The following FRAS1 variants were observed in gnomAD, a reference collection of about 807,000 sequenced individuals.
The protein encoded by FRAS1 is extracellular matrix organizing protein FRAS1.
A neutral mutation model predicts 435.2 loss-of-function variants in FRAS1; 290 were observed. That is an observed-to-expected ratio of 0.67 (90% CI 0.61 to 0.73). The LOEUF is 0.73. FRAS1 is among the 30% of genes least tolerant of loss of function. FRAS1 has a pLI of 0.00. For missense variants in FRAS1, 4,860 were observed against 5,001.5 expected (o/e 0.97, Z 0.85); for synonymous variants, 1,800 against 1,851.0 (o/e 0.97, Z 0.71).
intron 2 of FRAS1, among the ~76,000 whole-genome samples, chr4:78,137,812 A>G (rs1719988007): frequency 1.3e-5 from 2 of 152,262 alleles, no homozygotes; most frequent in African/African-American, 2.4e-5. Flanking sequence ...TGGACACATT[A>G]CTAAGGCTCT....
chr4:78,309,105 T>C (rs1406002142), intron 15 of FRAS1, among the ~76,000 whole-genome samples: 3 of 151,756 alleles, frequency 2.0e-5, no homozygotes, highest in Non-Finnish European at 4.4e-5. Flanking sequence ...GGACCAGAGG[T>C]CGGAGTGATA....
At chr4:78,221,791 G>A (rs1171771000) in intron 2 of FRAS1, among the ~76,000 whole-genome samples, 2 of 152,178 alleles carry the variant, frequency 1.3e-5, no homozygotes, top group African/African-American at 2.4e-5. Context: ...TTTGACATGA[G>A]GCTTTTGGAC....
Position 78,448,055 on chromosome 4 carries a change from C to A in FRAS1, c.6013C>A (p.His2005Asn). The change falls in exon 44 of 74, where the codon CAT becomes AAT. Residue 2005 changes from histidine to asparagine, a missense_variant and splice_region_variant. Physicochemically the swap from His to Asn is moderately conservative, Grantham distance 68. Coordinates refer to ENST00000512123, the MANE Select transcript of FRAS1 (RefSeq NM_025074.7). ...CTTTTCTTTACCTCTTCCCTCAGGT[C>A]ATGTACTCTGGAGGCAAACTGCTTC... Reference protein sequence around the residue: ...FVLTKKPDHGHVLWRQTASEP... With the variant: ...FVLTKKPDHGNVLWRQTASEP... The A allele has an allele frequency of 1.2e-6, 2 of 1,606,072 alleles. No homozygotes were observed. Among genetic ancestry groups the A allele is most frequent in the South Asian group, 2.2e-5 (2 of 89,408 alleles).
intron 6 of FRAS1, among the ~76,000 whole-genome samples, chr4:78,258,478 C>A (rs778379192): frequency 6.6e-6 from 1 of 151,732 alleles, no homozygotes; most frequent in African/African-American, 2.4e-5. Context: ...GGACTATAAT[C>A]TCTTCCCATC....
intron 2 of FRAS1, among the ~76,000 whole-genome samples, chr4:78,180,056 A>G (rs72654691): frequency 0.02 from 3,072 of 152,330 alleles, 57 homozygotes; most frequent in Non-Finnish European, 0.031. Flanking sequence ...TCCTACTCCT[A>G]CGAGGTTCCT....
At chr4:78,154,889 C>G (rs891646270) in intron 2 of FRAS1, among the ~76,000 whole-genome samples, 12 of 152,188 alleles carry the variant, frequency 7.9e-5, no homozygotes, top group African/African-American at 2.9e-4. Flanking sequence ...GATTTTGTCT[C>G]TGGACCTTCT....
At chr4:78,284,972 A>C (rs556394422) in intron 13 of FRAS1, among the ~76,000 whole-genome samples, 2 of 152,182 alleles carry the variant, frequency 1.3e-5, no homozygotes, top group African/African-American at 4.8e-5. Flanking sequence ...TAATTTTGCA[A>C]ATGGGGAATC....
intron 31 of FRAS1, among the ~76,000 whole-genome samples, chr4:78,411,868 C>T (rs1279620272): frequency 6.6e-6 from 1 of 152,124 alleles, no homozygotes; most frequent in Non-Finnish European, 1.5e-5. Context: ...CCTGACTGAT[C>T]TGGTTAAATA....
intron 2 of FRAS1, among the ~76,000 whole-genome samples, chr4:78,217,444 C>G (rs983547488): frequency 3.3e-5 from 5 of 152,082 alleles, no homozygotes. Context: ...GAGGACTGTT[C>G]TGTGCGGGAC....
intron 34 of FRAS1, among the ~76,000 whole-genome samples, chr4:78,423,974 C>T (rs1366508847): frequency 2.6e-5 from 4 of 152,180 alleles, no homozygotes; most frequent in Non-Finnish European, 5.9e-5. Context: ...CAAGATAAAT[C>T]TCTCACATGG....
In FRAS1 at chr4:78,318,838, G is replaced by T; in HGVS notation, c.1989G>T (p.Met663Ile). 6.3e-7 allele frequency: 1 copy of T among 1,597,266 alleles called. No homozygotes were observed. Among genetic ancestry groups the T allele is most frequent in the South Asian group, 1.1e-5 (1 of 88,174 alleles). ...KACHSSCLACMGPAPSHCTGC... is the reference protein window; with the variant it reads ...KACHSSCLACIGPAPSHCTGC... Reference sequence around the variant, plus strand: ...GTCACTCCTCCTGCCTGGCTTGTATGGGTCCCGCACCCTCTCACTGTACTG... The same window carrying T: ...GTCACTCCTCCTGCCTGGCTTGTATTGGTCCCGCACCCTCTCACTGTACTG... Residue 663 changes from methionine (M) to isoleucine (I), a missense_variant, in exon 18 of 74, where the codon ATG becomes ATT. Transcript: ENST00000512123.
intron 2 of FRAS1, among the ~76,000 whole-genome samples, chr4:78,091,623 T>TTGTGTG (rs10631175): frequency 0.19 from 28,204 of 148,012 alleles, 2,804 homozygotes; most frequent in African/African-American, 0.26. Context: ...ACACGTGTGT[T>TTGTGTG]TGTGTGTGTG....
chr4:78,252,995 G>A (rs1180687308), intron 5 of FRAS1, among the ~76,000 whole-genome samples: 1 of 152,080 alleles, frequency 6.6e-6, no homozygotes, highest in Non-Finnish European at 1.5e-5. Context: ...AAATTTACCG[G>A]GCTGGAATTT....
At chr4:78,218,646 G>A (rs1448057022) in intron 2 of FRAS1, among the ~76,000 whole-genome samples, 2 of 152,158 alleles carry the variant, frequency 1.3e-5, no homozygotes, top group Non-Finnish European at 2.9e-5. Flanking sequence ...CCCTACTCTT[G>A]AGATTGCAGA....
chr4:78,372,949 C>G, intron 24 of FRAS1, 91 bp downstream of exon 24: 1 of 1,393,848 alleles, frequency 7.2e-7, no homozygotes, highest in Non-Finnish European at 9.6e-7. Context: ...GGCAAGTTTC[C>G]CCTTCTGGCT....
chr4:78,245,460 T>C, intron 4 of FRAS1, 135 bp downstream of exon 4: 2 of 638,660 alleles, frequency 3.1e-6, no homozygotes, highest in African/African-American at 1.8e-5. Context: ...CATTTGACTT[T>C]CTGTGAGCAT....
chr4:78,306,789 A>C (rs1482628983), intron 14 of FRAS1, among the ~76,000 whole-genome samples: 1 of 151,712 alleles, frequency 6.6e-6, no homozygotes, highest in Non-Finnish European at 1.5e-5. Context: ...AAAGTTTTCA[A>C]CTTCTTTGCG....
rs1233328811 is a variant in FRAS1 at position 78,308,078 on chromosome 4, C to T, written c.1547C>T (p.Ser516Phe). Residue 516 changes from serine (S) to phenylalanine (F), a missense_variant, in exon 15 of 74, where the codon TCC (serine) becomes TTC (phenylalanine). Coordinates refer to ENST00000512123, the MANE Select transcript of FRAS1 (RefSeq NM_025074.7). ...DRHSCAVCHE[S>F]CAGCWGPTEK... ...TATTCGTCTGCAGTCTGCCATGAGT[C>T]CTGTGCAGGTTGCTGGGGCCCAACG... The T allele has an allele frequency of 1.2e-6, 2 of 1,612,320 alleles. No individual in the cohort carries two copies. Among genetic ancestry groups the T allele is most frequent in the African/African-American group, 1.3e-5 (1 of 74,872 alleles).
At chr4:78,531,389 G>A (rs1431149532) in intron 70 of FRAS1, among the ~76,000 whole-genome samples, 3 of 152,112 alleles carry the variant, frequency 2.0e-5, no homozygotes, top group South Asian at 2.1e-4. Context: ...GAATAGGAGT[G>A]GTGAGAGAGG....
Sources: gnomAD v4.1 joint callset for allele counts (sites outside exome capture counted in the v4.1 genomes callset) on GRCh38, gnomAD v4.1.1 for gene constraint, MANE v1.5 for transcripts, NCBI Gene and HGNC (gene_info 2026-07-23, HGNC 2026-07-21) for gene names.